Variants in BRD10 observed in about 807,000 individuals in gnomAD.
The protein encoded by BRD10 is bromodomain containing 10.
chr9:5,968,379 T>G, the BRD10 span: 1 of 1,611,508 alleles, frequency 6.2e-7, no homozygotes, highest in Non-Finnish European at 8.5e-7. Context: ...TCACCGTATT[T>G]TTCCTGATTT....
the BRD10 span, chr9:5,921,415 T>C: frequency 6.2e-7 from 1 of 1,613,966 alleles, no homozygotes; most frequent in Non-Finnish European, 8.5e-7. Flanking sequence ...GAGTTTGTTT[T>C]AATGATTCTG....
At chr9:5,969,025 C>G in the BRD10 span, 2 of 1,611,494 alleles carry the variant, frequency 1.2e-6, no homozygotes, top group Admixed American at 1.7e-5. Flanking sequence ...CTTTAAAAAA[C>G]TGAGGACACA....
chr9:6,007,272 G>A, the BRD10 span: 6 of 1,613,768 alleles, frequency 3.7e-6, no homozygotes, highest in Admixed American at 3.3e-5. Context: ...GGTCCACTCC[G>A]TGCAGGCGGT....
At chr9:6,008,241 G>A in the BRD10 span, 1 of 981,566 alleles carries the variant, frequency 1.0e-6, no homozygotes, top group Non-Finnish European at 1.2e-6. Context: ...GGCGGCTCCG[G>A]CTCCTCCTCT....
chr9:5,949,985 A>C, the BRD10 span, among the ~76,000 whole-genome samples: 17 of 152,210 alleles, frequency 1.1e-4, no homozygotes, highest in Non-Finnish European at 1.9e-4. Context: ...TAAAAGCTTA[A>C]ATCACCAATA....
At chr9:5,938,533 G>C in the BRD10 span, among the ~76,000 whole-genome samples, 2 of 152,110 alleles carry the variant, frequency 1.3e-5, 1 homozygote, top group South Asian at 4.1e-4. Flanking sequence ...TGAATTCCTT[G>C]ACTATAGGAA....
chr9:5,968,666 C>T, the BRD10 span: 1 of 1,613,784 alleles, frequency 6.2e-7, no homozygotes, highest in Non-Finnish European at 8.5e-7. Flanking sequence ...TCTATGTTCT[C>T]CATTACTTGT....
the BRD10 span, among the ~76,000 whole-genome samples, chr9:5,936,696 A>G: frequency 1.3e-5 from 2 of 152,216 alleles, no homozygotes; most frequent in African/African-American, 4.8e-5. Context: ...CCCAACTCAC[A>G]AAAGGCACTG....
the BRD10 span, among the ~76,000 whole-genome samples, chr9:5,948,831 T>G: frequency 6.6e-6 from 1 of 152,296 alleles, no homozygotes; most frequent in East Asian, 1.9e-4. Flanking sequence ...ATGCATGGTA[T>G]AAATTCAAAA....
the BRD10 span, among the ~76,000 whole-genome samples, chr9:5,934,643 G>C: frequency 1.3e-5 from 2 of 152,036 alleles, no homozygotes; most frequent in East Asian, 3.9e-4. Flanking sequence ...TGGGATTACA[G>C]ACACGAGCCA....
chr9:5,968,003 A>C, the BRD10 span: 1 of 1,420,970 alleles, frequency 7.0e-7, no homozygotes, highest in Non-Finnish European at 9.5e-7. Flanking sequence ...ACTCCCATCC[A>C]TTTGTGTTAG....
chr9:5,937,376 A>G, the BRD10 span, among the ~76,000 whole-genome samples: 4 of 151,930 alleles, frequency 2.6e-5, no homozygotes, highest in African/African-American at 9.7e-5. Flanking sequence ...CTCTACTAAA[A>G]GTACAAAAAT....
At chr9:5,961,959 T>G in the BRD10 span, among the ~76,000 whole-genome samples, 1 of 151,822 alleles carries the variant, frequency 6.6e-6, no homozygotes, top group African/African-American at 2.4e-5. Context: ...TTTGAAGGGT[T>G]TTTTGTGTCT....
chr9:5,974,063 C>T, the BRD10 span, among the ~76,000 whole-genome samples: 97 of 151,996 alleles, frequency 6.4e-4, no homozygotes, highest in African/African-American at 2.2e-3. Flanking sequence ...AAATGAAGAA[C>T]GTAAGCCACA....
chr9:5,935,969 GA>G, the BRD10 span, among the ~76,000 whole-genome samples: 2 of 152,072 alleles, frequency 1.3e-5, no homozygotes, highest in Non-Finnish European at 2.9e-5. Context: ...AATCTAACTT[GA>G]TGACTTGGGT....
chr9:5,913,135 A>G, the BRD10 span, among the ~76,000 whole-genome samples: 1 of 152,328 alleles, frequency 6.6e-6, no homozygotes, highest in East Asian at 1.9e-4. Flanking sequence ...GAGCTAGCCA[A>G]AAGATTTTCT....
the BRD10 span, chr9:5,919,622 A>T: frequency 6.9e-7 from 1 of 1,456,528 alleles, no homozygotes; most frequent in Non-Finnish European, 9.2e-7. Context: ...TAAACATTGA[A>T]AATTTTTATG....
At chr9:5,911,862 T>G in the BRD10 span, among the ~76,000 whole-genome samples, 1 of 152,124 alleles carries the variant, frequency 6.6e-6, no homozygotes, top group Non-Finnish European at 1.5e-5. Context: ...CTATCCTCTT[T>G]GGCTATTCTG....
the BRD10 span, among the ~76,000 whole-genome samples, chr9:5,980,281 C>T: frequency 2.0e-5 from 3 of 152,128 alleles, no homozygotes; most frequent in African/African-American, 4.8e-5. Context: ...CCAGTTCCCC[C>T]AAGACTGCCT....
Sources: gnomAD v4.1 joint callset for allele counts (sites outside exome capture counted in the v4.1 genomes callset) on GRCh38, gnomAD v4.1.1 for gene constraint, MANE v1.5 for transcripts, NCBI Gene and HGNC (gene_info 2026-07-23, HGNC 2026-07-21) for gene names.